KCNQ5: variants seen among roughly 807,000 people sequenced by gnomAD.
KCNQ5 encodes the protein potassium voltage-gated channel subfamily KQT member 5.
Under a neutral mutation model 98.2 loss-of-function variants are expected in KCNQ5, and 30 were observed. The ratio of observed to expected loss-of-function variants is 0.31; its 90% CI spans 0.23 to 0.41. The LOEUF (loss-of-function observed/expected upper bound fraction) is 0.41. Among genes scored for constraint, KCNQ5 ranks in the 10% least tolerant of loss-of-function variants. The pLI is 1.00. For missense variants in KCNQ5, 835 were observed against 1,182.5 expected, an observed-to-expected ratio of 0.71 and a Z score of 4.31; for synonymous variants, 458 against 449.4, an observed-to-expected ratio of 1.02 and a Z score of -0.24.
intron 1 of KCNQ5, among the ~76,000 whole-genome samples, chr6:72,696,241 C>T (rs1768490738): frequency 1.3e-5 from 2 of 151,996 alleles, no homozygotes; most frequent in Admixed American, 1.3e-4. Context: ...GTAACATGGG[C>T]AAACAGTGGA....
In KCNQ5 at chr6:73,136,361, G is replaced by A. The variant is rs531617599; in HGVS notation, c.1468+2720G>A. ...GGCCAGAGGAAAAGAATTTTTCACAGTATCTAGAGTCACCACTATCTATCA... is the reference window on the plus strand; with the variant it reads ...GGCCAGAGGAAAAGAATTTTTCACAATATCTAGAGTCACCACTATCTATCA... On this transcript the variant is annotated intron_variant, in intron 10 of 13. Transcript: ENST00000370398. Among the ~76,000 whole-genome samples the A allele has an allele frequency of 3.7e-3, 565 of 152,278 alleles. 4 individuals carry two copies. The highest frequency in any genetic ancestry group is 0.013 in the African/African-American group (540 of 41,552).
chr6:73,044,658 C>T (rs1771880602), intron 3 of KCNQ5, among the ~76,000 whole-genome samples: 1 of 152,092 alleles, frequency 6.6e-6, no homozygotes, highest in Admixed American at 6.6e-5. Context: ...ATTTCTAGGC[C>T]CGTTCAACAG....
intron 1 of KCNQ5, among the ~76,000 whole-genome samples, chr6:72,754,139 T>C (rs1220043635): frequency 2.6e-5 from 4 of 152,130 alleles, no homozygotes; most frequent in Non-Finnish European, 4.4e-5. Flanking sequence ...CACCATTAAG[T>C]GTGATGTTAC....
chr6:72,849,780 T>A (rs529311476), intron 1 of KCNQ5, among the ~76,000 whole-genome samples: 2 of 152,318 alleles, frequency 1.3e-5, no homozygotes, highest in East Asian at 3.9e-4. Flanking sequence ...GAAACATTGA[T>A]CCTGTCAGGT....
chr6:72,781,948 T>C (rs1773498592), intron 1 of KCNQ5, among the ~76,000 whole-genome samples: 2 of 152,238 alleles, frequency 1.3e-5, no homozygotes, highest in South Asian at 4.1e-4. Flanking sequence ...AACATAGAAC[T>C]GTGAAATTTT....
intron 1 of KCNQ5, among the ~76,000 whole-genome samples, chr6:72,870,873 T>G (rs1442505927): frequency 1.3e-5 from 2 of 152,214 alleles, no homozygotes; most frequent in East Asian, 3.8e-4. Context: ...CATAGGCTTT[T>G]AAAAGTCAAA....
At chr6:72,794,726 C>T (rs60485537) in intron 1 of KCNQ5, among the ~76,000 whole-genome samples, 4,856 of 152,040 alleles carry the variant, frequency 0.032, 246 homozygotes, top group African/African-American at 0.11. Flanking sequence ...TTTTTATTGA[C>T]CCGAATATTG....
chr6:73,057,772 A>G (rs1772590084), intron 3 of KCNQ5, among the ~76,000 whole-genome samples: 1 of 152,122 alleles, frequency 6.6e-6, no homozygotes, highest in African/African-American at 2.4e-5. Context: ...TATGAAACCA[A>G]AAAAAAGCCT....
intron 2 of KCNQ5, among the ~76,000 whole-genome samples, chr6:73,024,926 T>A (rs931223773): frequency 1.7e-4 from 26 of 152,308 alleles, no homozygotes; most frequent in African/African-American, 4.8e-4. Flanking sequence ...AAGATTTCAA[T>A]TAAGTAATAG....
chr6:72,964,377 T>G (rs890375101), intron 1 of KCNQ5, among the ~76,000 whole-genome samples: 3 of 152,224 alleles, frequency 2.0e-5, no homozygotes, highest in African/African-American at 7.2e-5. Flanking sequence ...CTCTCAAGTT[T>G]CTAAGAATAT....
Position 73,051,705 on chromosome 6 carries a change from C to CAAAAAAAAAAAAAAAAAAAA in KCNQ5, c.616+9659_616+9678dup, listed in dbSNP as rs201199934. Among the ~76,000 whole-genome samples, 6 of 97,176 alleles carry CAAAAAAAAAAAAAAAAAAAA rather than the reference C, an allele frequency of 6.2e-5. 1 individual carries two copies. Among genetic ancestry groups the CAAAAAAAAAAAAAAAAAAAA allele is most frequent in the African/African-American group, 2.5e-4 (6 of 24,238 alleles). The allele number at this position is 97,176 out of a possible 152,430, so 63.8% of individuals were successfully genotyped here. On this transcript the variant is annotated intron_variant, in intron 3 of 13. Coordinates refer to ENST00000370398, the MANE Select transcript of KCNQ5 (RefSeq NM_019842.4). ...TCCAGGGCATCAAAGAAGATAGAGG[C>CAAAAAAAAAAAAAAAAAAAA]AAAAAAAAAAAAAAAAAAAAAAAAA...
At chr6:72,949,630 C>T (rs1431277830) in intron 1 of KCNQ5, among the ~76,000 whole-genome samples, 1 of 152,138 alleles carries the variant, frequency 6.6e-6, no homozygotes, top group Non-Finnish European at 1.5e-5. Flanking sequence ...GTACTTCAAG[C>T]CAATATTTGA....
At chr6:72,634,097 G>T (rs1490612026) in intron 1 of KCNQ5, among the ~76,000 whole-genome samples, 1 of 152,188 alleles carries the variant, frequency 6.6e-6, no homozygotes, top group East Asian at 1.9e-4. Context: ...GTACGTGTGG[G>T]CCCAGGGCTC....
At position 73,085,880 on chromosome 6, in the gene KCNQ5, G is replaced by A. The variant is rs188630157; in HGVS notation, c.918+7993G>A. Among the ~76,000 whole-genome samples the A allele has an allele frequency of 1.3e-4, 20 of 152,246 alleles. No individual in the cohort carries two copies. The East Asian group carries it at 3.7e-3, about 28-fold the overall frequency. ...TGGAATGAAAAGCAAAGGAAACCAC[G>A]AAATGTAACATTTTTGCTGTGACCA... On this transcript the variant is annotated intron_variant, in intron 5 of 13. Transcript: ENST00000370398.
At chr6:73,088,813 A>G (rs542902146) in intron 5 of KCNQ5, among the ~76,000 whole-genome samples, 6 of 152,198 alleles carry the variant, frequency 3.9e-5, no homozygotes, top group Non-Finnish European at 7.3e-5. Flanking sequence ...AAAATTTTCA[A>G]GTCACTGTTA....
At chr6:72,827,265 A>G (rs1339508943) in intron 1 of KCNQ5, among the ~76,000 whole-genome samples, 2 of 152,050 alleles carry the variant, frequency 1.3e-5, no homozygotes, top group Non-Finnish European at 2.9e-5. Context: ...TGGATTATAT[A>G]GTCATTCTAT....
intron 1 of KCNQ5, among the ~76,000 whole-genome samples, chr6:72,929,823 T>C (rs1424626701): frequency 6.6e-6 from 1 of 152,148 alleles, no homozygotes; most frequent in Non-Finnish European, 1.5e-5. Context: ...TAATAAAGAA[T>C]ATCAAAAAGC....
chr6:72,733,098 G>T (rs539416656), intron 1 of KCNQ5, among the ~76,000 whole-genome samples: 1 of 152,296 alleles, frequency 6.6e-6, no homozygotes, highest in East Asian at 1.9e-4. Context: ...GAGAAGGTTT[G>T]AACTTAGGAA....
At chr6:72,903,398 C>G (rs1234064691) in intron 1 of KCNQ5, among the ~76,000 whole-genome samples, 4 of 152,128 alleles carry the variant, frequency 2.6e-5, no homozygotes, top group African/African-American at 9.7e-5. Flanking sequence ...TCTTGTTTCT[C>G]TAGTTCCTTG....
Sources: gnomAD v4.1 joint callset for allele counts (sites outside exome capture counted in the v4.1 genomes callset) on GRCh38, gnomAD v4.1.1 for gene constraint, MANE v1.5 for transcripts, NCBI Gene and HGNC (gene_info 2026-07-23, HGNC 2026-07-21) for gene names.